TMX3: variants seen among roughly 807,000 people sequenced by gnomAD.
TMX3 encodes protein disulfide-isomerase TMX3.
A neutral mutation model predicts 64.4 loss-of-function variants in TMX3; 40 were observed. That is an observed-to-expected ratio of 0.62 (90% CI 0.48 to 0.81). The LOEUF is 0.81. TMX3 is among the 30% of genes least tolerant of loss of function. TMX3 has a pLI of 0.00. For synonymous variants in TMX3, 189 were observed against 175.7 expected, an observed-to-expected ratio of 1.08 and a Z score of -0.60; for missense variants, 497 against 534.5, an observed-to-expected ratio of 0.93 and a Z score of 0.69.
At chr18:68,691,706 G>C (rs931030279) in intron 8 of TMX3, among the ~76,000 whole-genome samples, 6 of 152,162 alleles carry the variant, frequency 3.9e-5, no homozygotes, top group Non-Finnish European at 8.8e-5. Context: ...AGGGGAGTCT[G>C]CTTCCTCATC....
At chr18:68,678,202 T>C (rs1374674034) in intron 15 of TMX3, among the ~76,000 whole-genome samples, 1 of 151,926 alleles carries the variant, frequency 6.6e-6, no homozygotes, top group Admixed American at 6.6e-5. Context: ...AAGAATACTA[T>C]GCAAGGAAAA....
chr18:68,677,618 A>G (rs1913047148), intron 15 of TMX3, among the ~76,000 whole-genome samples: 1 of 152,172 alleles, frequency 6.6e-6, no homozygotes, highest in African/African-American at 2.4e-5. Flanking sequence ...TTTTCACATG[A>G]CATTTTTAAT....
At chr18:68,684,396 T>G in intron 11 of TMX3, 32 bp downstream of exon 11, 4 of 1,597,322 alleles carry the variant, frequency 2.5e-6, no homozygotes, top group Non-Finnish European at 3.4e-6. Context: ...AAATGAACAT[T>G]TGAAGCTTAA....
At position 68,701,799 on chromosome 18, in the gene TMX3, G is replaced by A. The variant is rs2030106384; in HGVS notation, c.266-9C>T. On this transcript the variant is annotated splice_polypyrimidine_tract_variant and intron_variant, in intron 4 of 15. Coordinates refer to ENST00000299608, the MANE Select transcript of TMX3 (RefSeq NM_019022.5). ...AAACTCTGAAGCAATGCCTTGATAAGAAAAAGAATAAAGCATTCTAAATTT... is the reference window on the plus strand; with the variant it reads ...AAACTCTGAAGCAATGCCTTGATAAAAAAAAGAATAAAGCATTCTAAATTT... The A allele has an allele frequency of 6.2e-7, 1 of 1,607,966 alleles. No individual in the cohort carries two copies. The highest frequency in any genetic ancestry group is 1.3e-5 in the African/African-American group (1 of 74,614).
chr18:68,698,884 T>TAGCGGGCGC (rs1568194320), intron 6 of TMX3, among the ~76,000 whole-genome samples: 6 of 149,568 alleles, frequency 4.0e-5, no homozygotes, highest in African/African-American at 1.2e-4. Flanking sequence ...TAGCCGGGCG[T>TAGCGGGCGC]GGTAGCGGGC....
At chr18:68,690,703 G>A (rs1045071484) in intron 9 of TMX3, among the ~76,000 whole-genome samples, 1 of 152,174 alleles carries the variant, frequency 6.6e-6, no homozygotes. Context: ...GTTGAAGTTG[G>A]AGCAAATGTC....
intron 10 of TMX3, chr18:68,686,996 G>T: frequency 2.0e-6 from 2 of 982,648 alleles, no homozygotes; most frequent in Non-Finnish European, 2.4e-6. Context: ...AATAAGTCTT[G>T]AATAAAATGT....
At chr18:68,703,156 T>C (rs2030291782) in intron 4 of TMX3, among the ~76,000 whole-genome samples, 1 of 152,138 alleles carries the variant, frequency 6.6e-6, no homozygotes, top group Admixed American at 6.5e-5. Context: ...AGAAACTACT[T>C]TGGGGAGATT....
rs1489675708 is a variant in TMX3, at chr18:68,675,542, G to A, written c.*1391C>T. On this transcript the variant is annotated 3_prime_UTR_variant, in exon 16 of 16. Transcript: ENST00000299608. ...GACTAAATCCCTAAACAACGTCAGTGTCCAGACCATGAATTACATATTTTT... is the reference window on the plus strand; with the variant it reads ...GACTAAATCCCTAAACAACGTCAGTATCCAGACCATGAATTACATATTTTT... 6.6e-6 allele frequency: 1 copy of A among 152,036 alleles called. No individual in the cohort carries two copies. The highest frequency in any genetic ancestry group is 2.4e-5 in the African/African-American group (1 of 41,392). 9.4% of individuals were successfully genotyped at this position (152,036 alleles called of 1,614,324 possible).
At chr18:68,693,029 C>G (rs1914672450) in intron 8 of TMX3, among the ~76,000 whole-genome samples, 1 of 152,190 alleles carries the variant, frequency 6.6e-6, no homozygotes, top group Non-Finnish European at 1.5e-5. Context: ...ATCTCTGATA[C>G]AAAAATGTGG....
chr18:68,708,029 A>T (rs1471432569), intron 4 of TMX3, among the ~76,000 whole-genome samples: 2 of 133,890 alleles, frequency 1.5e-5, no homozygotes, highest in Non-Finnish European at 3.0e-5. Context: ...ATATATGTGT[A>T]TATGTGTATA....
At chr18:68,682,295 A>T (rs767577283) in intron 13 of TMX3, among the ~76,000 whole-genome samples, 8 of 152,188 alleles carry the variant, frequency 5.3e-5, no homozygotes, top group Non-Finnish European at 1.2e-4. Context: ...TTATTAATTC[A>T]GTACAGGGTT....
intron 8 of TMX3, among the ~76,000 whole-genome samples, chr18:68,694,807 A>G (rs1256523144): frequency 6.6e-6 from 1 of 152,230 alleles, no homozygotes; most frequent in Admixed American, 6.5e-5. Flanking sequence ...GGGGTACATA[A>G]GATAAACATC....
intron 8 of TMX3, among the ~76,000 whole-genome samples, chr18:68,695,543 C>T (rs531531325): frequency 1.2e-4 from 18 of 152,296 alleles, no homozygotes; most frequent in Admixed American, 5.2e-4. Context: ...TCTTCCTTCT[C>T]CAAAATTCCT....
At chr18:68,703,789 GC>G in intron 4 of TMX3, among the ~76,000 whole-genome samples, 1 of 152,056 alleles carries the variant, frequency 6.6e-6, no homozygotes, top group East Asian at 1.9e-4. Flanking sequence ...AATTAGTCGC[GC>G]GCGGTGGCGG....
intron 10 of TMX3, chr18:68,686,958 C>T (rs1914023129): frequency 1.0e-6 from 1 of 982,834 alleles, no homozygotes; most frequent in Non-Finnish European, 1.2e-6. Context: ...AAGAGGAAAC[C>T]CTATGCCTAT....
intron 13 of TMX3, chr18:68,681,639 A>G: frequency 1.0e-6 from 1 of 985,250 alleles, no homozygotes; most frequent in Non-Finnish European, 1.2e-6. Context: ...TGTTAAGTTC[A>G]CTCCCTTCCT....
At chr18:68,700,022 A>G (rs1915510490) in intron 6 of TMX3, among the ~76,000 whole-genome samples, 2 of 152,170 alleles carry the variant, frequency 1.3e-5, no homozygotes, top group Admixed American at 1.3e-4. Flanking sequence ...GTTCAGAACA[A>G]TAATATCCCA....
rs1045467869 is a variant in TMX3 at position 68,675,325 on chromosome 18, A to C, written c.*1608T>G. 6.6e-6 allele frequency: 1 copy of C among 152,164 alleles called. No homozygotes were observed. The highest frequency in any genetic ancestry group is 2.4e-5 in the African/African-American group (1 of 41,454). The allele number at this position is 152,164 out of a possible 1,614,324, so 9.4% of individuals were successfully genotyped here. A position where few individuals can be genotyped will look rare whatever the true frequency, so the allele number is the denominator to read the frequency against. ...TAGTAGTTCCTGAATTTTGGACTGC[A>C]TATTTGTTTCATTTCCAAAAAAAAG... On this transcript the variant is annotated 3_prime_UTR_variant, in exon 16 of 16. Coordinates refer to ENST00000299608, the MANE Select transcript of TMX3 (RefSeq NM_019022.5).
Sources: gnomAD v4.1 joint callset for allele counts (sites outside exome capture counted in the v4.1 genomes callset) on GRCh38, gnomAD v4.1.1 for gene constraint, MANE v1.5 for transcripts, NCBI Gene and HGNC (gene_info 2026-07-23, HGNC 2026-07-21) for gene names.